CEP135: variants seen among roughly 807,000 people sequenced by gnomAD.
The protein encoded by CEP135 is centrosomal protein of 135 kDa.
CEP135 carries 142 observed loss-of-function variants against 157.3 expected under a neutral mutation model. That is an observed-to-expected ratio of 0.90 (90% confidence interval 0.79 to 1.04). The LOEUF is 1.04. CEP135 is among the 50% of genes least tolerant of loss of function. CEP135 has a pLI of 0.00. For missense variants in CEP135, 1,317 were observed against 1,309.2 expected (o/e 1.01, Z -0.09); for synonymous variants, 396 against 439.8 (o/e 0.90, Z 1.25).
chr4:55,976,215 C>T (rs1729209339), intron 11 of CEP135, among the ~76,000 whole-genome samples: 1 of 149,158 alleles, frequency 6.7e-6, no homozygotes, highest in Non-Finnish European at 1.5e-5. Flanking sequence ...GATCTCGTCA[C>T]TGCATTCCAG....
At chr4:55,954,092 A>G (rs1728438311) in intron 3 of CEP135, 124 bp from the exon 4 acceptor site, 1 of 750,350 alleles carries the variant, frequency 1.3e-6, no homozygotes, top group Non-Finnish European at 2.1e-6. Context: ...GTGTCAACTA[A>G]AGCATGCATA....
intron 17 of CEP135, among the ~76,000 whole-genome samples, chr4:56,000,387 A>G (rs1249466609): frequency 6.6e-6 from 1 of 152,082 alleles, no homozygotes; most frequent in African/African-American, 2.4e-5. Flanking sequence ...TGTGCGCTGG[A>G]TTGGTGTTAA....
At position 56,007,263 on chromosome 4, in the gene CEP135, C is replaced by CT. The variant is rs1730384696; in HGVS notation, c.2281-1057dup. Among the ~76,000 whole-genome samples, 2 of 152,152 alleles carry CT rather than the reference C, an allele frequency of 1.3e-5. 1 individual carries two copies. Among genetic ancestry groups the CT allele is most frequent in the South Asian group, 4.1e-4 (2 of 4,826 alleles). On this transcript the variant is annotated intron_variant, in intron 17 of 25. Coordinates refer to ENST00000257287, the MANE Select transcript of CEP135 (RefSeq NM_025009.5). Reference sequence around the variant, plus strand: ...TCAAACTTTATTGAATTTCATTATACTTTTTTTCCTAGGTCACTGCCTCCT... The same window carrying CT: ...TCAAACTTTATTGAATTTCATTATACTTTTTTTTCCTAGGTCACTGCCTCCT...
In CEP135 at chr4:55,974,901, C is replaced by T. The variant is rs1729146474; in HGVS notation, c.1405C>T (p.Gln469Ter). The change falls in exon 11 of 26, where the codon CAG (glutamine) becomes TAG (stop). Residue 469 changes from glutamine to a stop codon, truncating the protein, a stop_gained. Coordinates refer to ENST00000257287, the MANE Select transcript of CEP135 (RefSeq NM_025009.5). LOFTEE classifies it high-confidence loss of function. ...GCTAGAGAGACTCCAACATATAATA[C>T]AGCGAAGATCTTGCTCTACAAGTTA... ...KELERLQHIIQRRSCSTSYSA... is the reference protein window; with the variant it reads ...KELERLQHII 3.7e-6 allele frequency: 6 copies of T among 1,613,416 alleles called. No individual in the cohort carries two copies. The highest frequency in any genetic ancestry group is 5.1e-6 in the Non-Finnish European group (6 of 1,179,680).
At chr4:55,969,961 C>T (rs1419174910) in intron 9 of CEP135, among the ~76,000 whole-genome samples, 1 of 151,898 alleles carries the variant, frequency 6.6e-6, no homozygotes, top group African/African-American at 2.4e-5. Flanking sequence ...CAGCCTTGAA[C>T]CCCTGGTGCT....
chr4:55,964,667 CAT>C (rs1728788680), intron 7 of CEP135, among the ~76,000 whole-genome samples: 1 of 152,040 alleles, frequency 6.6e-6, no homozygotes, highest in Non-Finnish European at 1.5e-5. Context: ...ACTCTGGGCA[CAT>C]GATTGCCAAT....
rs116564384 is a variant in CEP135 at position 55,991,177 on chromosome 4, C to T, written c.1858-757C>T. ...TTTTTTCGTAGGGATGGGGTTTCAC[C>T]GTGCTAGCCAGGATAGTCTCCATCT... On this transcript the variant is annotated intron_variant, in intron 14 of 25. Transcript: ENST00000257287. Among the ~76,000 whole-genome samples, 710 of 152,162 alleles carry T rather than the reference C, an allele frequency of 4.7e-3. 2 individuals are homozygous for T. The highest frequency in any genetic ancestry group is 0.016 in the African/African-American group (682 of 41,532).
At chr4:55,985,392 G>A (rs1425551796) in intron 14 of CEP135, 34 bp downstream of exon 14, 2 of 1,090,092 alleles carry the variant, frequency 1.8e-6, no homozygotes, top group East Asian at 2.4e-5. Context: ...GGTATCTTGT[G>A]TTATATGAAT....
At chr4:56,009,708 A>C (rs1393117196) in intron 18 of CEP135, 27 bp from the exon 19 acceptor site, 4 of 1,575,856 alleles carry the variant, frequency 2.5e-6, no homozygotes, top group Non-Finnish European at 3.4e-6. Flanking sequence ...AGTTTTCTTT[A>C]TTAGTTTCAC....
rs553794917 is a variant in CEP135, at chr4:56,031,955, C to T, written c.*607C>T. The T allele has an allele frequency of 8.5e-5, 13 of 152,154 alleles. No individual in the cohort carries two copies. In the East Asian group the frequency reaches 1.9e-3, roughly 23 times the overall value. 9.4% of individuals were successfully genotyped at this position (152,154 alleles called of 1,614,324 possible). On this transcript the variant is annotated 3_prime_UTR_variant, in exon 26 of 26. Coordinates refer to ENST00000257287, the MANE Select transcript of CEP135 (RefSeq NM_025009.5). Reference sequence around the variant, plus strand: ...AACGTGTTATTGCCATCTAGAAGAACTATGATGAGAAAGATACATTTATAT... The same window carrying T: ...AACGTGTTATTGCCATCTAGAAGAATTATGATGAGAAAGATACATTTATAT...
chr4:55,986,828 T>C (rs1395318279), intron 14 of CEP135, among the ~76,000 whole-genome samples: 1 of 152,218 alleles, frequency 6.6e-6, no homozygotes, highest in Non-Finnish European at 1.5e-5. Context: ...CTTCTATTAC[T>C]ATGCCTTCAC....
intron 24 of CEP135, among the ~76,000 whole-genome samples, chr4:56,023,911 A>G (rs1177516941): frequency 1.4e-5 from 2 of 139,984 alleles, no homozygotes; most frequent in South Asian, 2.2e-4. Context: ...TATATATTAT[A>G]AGTAGTGGAT....
At chr4:55,999,229 GA>G in intron 15 of CEP135, 72 bp from the exon 16 acceptor site, 1 of 1,188,968 alleles carries the variant, frequency 8.4e-7, no homozygotes, top group East Asian at 2.5e-5. Flanking sequence ...ATATTTTTAA[GA>G]AATCTCATTT....
At chr4:56,025,794 T>A (rs187662225) in intron 25 of CEP135, among the ~76,000 whole-genome samples, 200 of 152,168 alleles carry the variant, frequency 1.3e-3, no homozygotes, top group African/African-American at 4.6e-3. Context: ...TAGGACATAA[T>A]TTTTAAAGTA....
At chr4:56,000,423 C>T (rs535142967) in intron 17 of CEP135, among the ~76,000 whole-genome samples, 38 of 152,232 alleles carry the variant, frequency 2.5e-4, no homozygotes, top group African/African-American at 8.7e-4. Context: ...TGATATCTTT[C>T]GAACACCAGG....
intron 17 of CEP135, among the ~76,000 whole-genome samples, chr4:56,008,071 A>G (rs1730420229): frequency 6.6e-6 from 1 of 152,110 alleles, no homozygotes; most frequent in Admixed American, 6.6e-5. Context: ...TCAAAATGTG[A>G]TTTTGTCTAT....
intron 5 of CEP135, among the ~76,000 whole-genome samples, chr4:55,958,073 G>A (rs1248968315): frequency 2.0e-5 from 3 of 152,234 alleles, no homozygotes; most frequent in Admixed American, 2.0e-4. Context: ...CATGCAGGTA[G>A]CTTTTTATTT....
In CEP135 at chr4:56,011,828, G is replaced by C; in HGVS notation, c.2645G>C (p.Arg882Thr). 1 of 1,577,050 alleles carries C rather than the reference G, an allele frequency of 6.3e-7. No individual in the cohort carries two copies. Among genetic ancestry groups the C allele is most frequent in the Non-Finnish European group, 8.6e-7 (1 of 1,168,894 alleles). ...AAAGAAAATCAAGATTTGTTAGATAGATTTCAGATGCTTCATAACCGTGCT... is the reference window on the plus strand; with the variant it reads ...AAAGAAAATCAAGATTTGTTAGATACATTTCAGATGCTTCATAACCGTGCT... ...KEKENQDLLD[R>T]FQMLHNRAED... Residue 882 changes from arginine (R) to threonine (T), a missense_variant, in exon 21 of 26, where the codon AGA (arginine) becomes ACA (threonine). Coordinates refer to ENST00000257287, the MANE Select transcript of CEP135 (RefSeq NM_025009.5).
intron 15 of CEP135, among the ~76,000 whole-genome samples, chr4:55,995,505 T>G (rs1344853377): frequency 2.0e-5 from 3 of 152,150 alleles, no homozygotes; most frequent in African/African-American, 7.2e-5. Flanking sequence ...GCTATATAGT[T>G]TATGTCACAC....
Sources: allele counts gnomAD v4.1 joint callset (sites outside exome capture counted in the v4.1 genomes callset), GRCh38; gene constraint gnomAD v4.1.1; transcripts MANE v1.5; gene names NCBI Gene and HGNC (gene_info 2026-07-23, HGNC 2026-07-21).